The following CSRP1 variants were observed in gnomAD, a reference collection of about 807,000 sequenced individuals.
CSRP1 encodes cysteine and glycine-rich protein 1.
A neutral mutation model predicts 25.4 loss-of-function variants in CSRP1; 16 were observed. The ratio of observed to expected loss-of-function variants is 0.63; its 90% CI spans 0.43 to 0.96. CSRP1 has a LOEUF of 0.96. Among genes scored for constraint, CSRP1 ranks in the 40% least tolerant of loss-of-function variants. The pLI, the probability that CSRP1 is intolerant of heterozygous loss-of-function variation, is 0.00. For synonymous variants in CSRP1, 97 were observed against 95.3 expected (o/e 1.02, Z -0.10); for missense variants, 212 against 243.6 (o/e 0.87, Z 0.86).
At chr1:201,485,511 G>T in intron 4 of CSRP1, 135 bp from the exon 5 acceptor site, 1 of 740,450 alleles carries the variant, frequency 1.4e-6, no homozygotes, top group African/African-American at 1.7e-5. Context: ...GGTGCTGCTG[G>T]GAGGACATGG....
At chr1:201,485,250 T>G in intron 5 of CSRP1, 33 bp downstream of exon 5, 3 of 1,605,020 alleles carry the variant, frequency 1.9e-6, no homozygotes, top group Non-Finnish European at 2.6e-6. Flanking sequence ...CCCTTGGGCC[T>G]CCTGACCCTC....
intron 4 of CSRP1, chr1:201,485,673 T>G (rs1469559583): frequency 7.6e-6 from 3 of 397,196 alleles, no homozygotes; most frequent in Non-Finnish European, 1.4e-5. Context: ...AAAGTAGCTG[T>G]TACCCCACTG....
intron 2 of CSRP1, among the ~76,000 whole-genome samples, chr1:201,493,389 C>T (rs760150274): frequency 9.9e-5 from 15 of 152,200 alleles, no homozygotes; most frequent in Admixed American, 6.5e-4. Flanking sequence ...GGGCAGCTTC[C>T]GCCATACTGT....
chr1:201,500,780 C>T (rs1226475776), intron 1 of CSRP1, among the ~76,000 whole-genome samples: 4 of 152,226 alleles, frequency 2.6e-5, no homozygotes, highest in South Asian at 4.1e-4. Flanking sequence ...GCCCTTCTCT[C>T]CAACAGCCAA....
At chr1:201,498,471 C>T (rs1664575221) in intron 1 of CSRP1, among the ~76,000 whole-genome samples, 1 of 152,220 alleles carries the variant, frequency 6.6e-6, no homozygotes, top group Non-Finnish European at 1.5e-5. Flanking sequence ...GCTCACGGAA[C>T]CTGTCACATG....
chr1:201,499,300 C>T (rs1664597482), intron 1 of CSRP1, among the ~76,000 whole-genome samples: 1 of 152,202 alleles, frequency 6.6e-6, no homozygotes, highest in Admixed American at 6.5e-5. Context: ...TTATTCAGGC[C>T]ATTGAATGAC....
At chr1:201,485,530 G>A in intron 4 of CSRP1, 154 bp from the exon 5 acceptor site, 1 of 656,116 alleles carries the variant, frequency 1.5e-6, no homozygotes, top group South Asian at 1.8e-5. Context: ...GGCCTATGGT[G>A]CAAGGCAGTA....
intron 3 of CSRP1, 127 bp downstream of exon 3, chr1:201,490,049 C>T (rs1015643287): frequency 1.9e-5 from 18 of 962,326 alleles, no homozygotes; most frequent in Non-Finnish European, 6.1e-6. Flanking sequence ...CTGTGACTGC[C>T]TTTTAAATAA....
intron 4 of CSRP1, chr1:201,487,283 C>T (rs912495370): frequency 9.1e-5 from 18 of 196,940 alleles, no homozygotes; most frequent in African/African-American, 2.6e-4. Flanking sequence ...TGTGGTGGCG[C>T]GTGCCTGTAG....
intron 4 of CSRP1, 34 bp from the exon 5 acceptor site, chr1:201,485,410 C>T: frequency 6.3e-7 from 1 of 1,590,998 alleles, no homozygotes; most frequent in Middle Eastern, 1.7e-4. Context: ...ATGGCTGCCA[C>T]CAGTGATGAG....
intron 1 of CSRP1, among the ~76,000 whole-genome samples, chr1:201,504,408 C>T (rs920047429): frequency 1.3e-5 from 2 of 152,206 alleles, no homozygotes; most frequent in Non-Finnish European, 2.9e-5. Flanking sequence ...TAACACTTAT[C>T]GTTCAGGTTT....
At chr1:201,485,143 T>C (rs776481066) in intron 5 of CSRP1, 140 bp downstream of exon 5, 162 of 790,506 alleles carry the variant, frequency 2.0e-4, no homozygotes, top group Non-Finnish European at 3.2e-4. Flanking sequence ...TCCTCATCTG[T>C]ACAATGAAGG....
At chr1:201,486,938 A>C (rs1232445599) in intron 4 of CSRP1, 1 of 1,276,810 alleles carries the variant, frequency 7.8e-7, no homozygotes, top group East Asian at 5.6e-5. Context: ...AACCCAACTT[A>C]ATAATAATAT....
chr1:201,486,699 T>G, intron 4 of CSRP1: 10 of 1,035,126 alleles, frequency 9.7e-6, no homozygotes, highest in Non-Finnish European at 1.2e-5. Context: ...ATAAGCTGAA[T>G]CCCTTTGCTC....
intron 4 of CSRP1, chr1:201,487,233 T>G (rs1006328067): frequency 2.8e-5 from 6 of 218,024 alleles, no homozygotes; most frequent in African/African-American, 1.2e-4. Context: ...GCCAACATGG[T>G]CAAACCCCAT....
At chr1:201,501,655 G>T (rs1209079630) in intron 1 of CSRP1, among the ~76,000 whole-genome samples, 1 of 152,102 alleles carries the variant, frequency 6.6e-6, no homozygotes, top group Non-Finnish European at 1.5e-5. Flanking sequence ...GCAGCAAAAG[G>T]AGAAGAAAAA....
At chr1:201,485,073 A>G (rs1571771490) in intron 5 of CSRP1, among the ~76,000 whole-genome samples, 1 of 152,028 alleles carries the variant, frequency 6.6e-6, no homozygotes, top group African/African-American at 2.4e-5. Context: ...GTCTAGCCCT[A>G]TGCCTGCCTC....
intron 2 of CSRP1, among the ~76,000 whole-genome samples, chr1:201,495,053 C>T (rs683467): frequency 0.46 from 69,317 of 151,980 alleles, 17,077 homozygotes; most frequent in East Asian, 0.91. Flanking sequence ...AACACCGAAT[C>T]TTTTTTAACT....
chr1:201,489,657 G>A, intron 3 of CSRP1: 1 of 155,520 alleles, frequency 6.4e-6, no homozygotes, highest in Non-Finnish European at 1.4e-5. Context: ...AGCCTGGGCT[G>A]GATTTTCTCA....
Sources: allele counts gnomAD v4.1 joint callset (sites outside exome capture counted in the v4.1 genomes callset), GRCh38; gene constraint gnomAD v4.1.1; transcripts MANE v1.5; gene names NCBI Gene and HGNC (gene_info 2026-07-23, HGNC 2026-07-21).